The following MEGF11 variants were observed in gnomAD, a reference collection of about 807,000 sequenced individuals.
MEGF11 encodes multiple EGF like domains 11.
In MEGF11, 126 loss-of-function variants were observed where a neutral mutation model predicts 146.6. The observed-to-expected ratio is 0.86, with a 90% CI of 0.74 to 1.00. The LOEUF (loss-of-function observed/expected upper bound fraction) is 1.00, where lower values mean the gene tolerates loss of function less well. MEGF11 is among the 50% of genes least tolerant of loss of function. The pLI is 0.00. For missense variants in MEGF11, 1,509 were observed against 1,521.2 expected, an observed-to-expected ratio of 0.99 and a Z score of 0.13; for synonymous variants, 532 against 583.4, an observed-to-expected ratio of 0.91 and a Z score of 1.27.
chr15:66,234,603 A>T (rs1336247938), intron 1 of MEGF11, among the ~76,000 whole-genome samples: 1 of 152,140 alleles, frequency 6.6e-6, no homozygotes, highest in African/African-American at 2.4e-5. Context: ...CCCACCACCC[A>T]ACCCTGAATA....
At chr15:66,056,266 G>T (rs963238772) in intron 5 of MEGF11, among the ~76,000 whole-genome samples, 1 of 151,660 alleles carries the variant, frequency 6.6e-6, no homozygotes, top group Non-Finnish European at 1.5e-5. Context: ...AAGAGGGAGG[G>T]GCTGTAGAGG....
intron 1 of MEGF11, among the ~76,000 whole-genome samples, chr15:66,233,951 C>CTTTTTTTTTTTTTTTTTTT (rs57240560): frequency 2.5e-5 from 3 of 119,900 alleles, no homozygotes; most frequent in Admixed American, 9.3e-5. Context: ...TTTTCTTTTT[C>CTTTTTTTTTTTTTTTTTTT]TTTTTTTTTT....
Position 66,137,037 on chromosome 15 carries a change from G to A in MEGF11, c.-8-8626C>T, listed in dbSNP as rs145034323. ...CAGACTCTGTCTCCAAAAAAAAAGA[G>A]AGAAAGAGAGATGCTTGCCACAGCA... On this transcript the variant is annotated intron_variant, in intron 1 of 25. Coordinates refer to ENST00000395614, the MANE Select transcript of MEGF11 (RefSeq NM_001385028.1). Among the ~76,000 whole-genome samples, 847 of 152,260 alleles carry A rather than the reference G, an allele frequency of 5.6e-3. 10 individuals carry two copies. The highest frequency in any genetic ancestry group is 0.019 in the African/African-American group (804 of 41,558).
At chr15:66,173,672 G>A (rs1185482819) in intron 1 of MEGF11, among the ~76,000 whole-genome samples, 1 of 152,058 alleles carries the variant, frequency 6.6e-6, no homozygotes, top group Admixed American at 6.6e-5. Context: ...CTATAGCTGT[G>A]AACTGCCTCC....
intron 1 of MEGF11, among the ~76,000 whole-genome samples, chr15:66,134,612 C>T (rs566032514): frequency 3.3e-5 from 5 of 152,356 alleles, no homozygotes; most frequent in African/African-American, 1.2e-4. Flanking sequence ...GACAAGTCAG[C>T]CTCCCAGGGC....
intron 9 of MEGF11, among the ~76,000 whole-genome samples, chr15:65,959,607 ACT>A (rs1239657121): frequency 2.0e-5 from 3 of 152,248 alleles, no homozygotes; most frequent in African/African-American, 7.2e-5. Flanking sequence ...CATTTCTAAG[ACT>A]CTATCCTAAG....
intron 5 of MEGF11, among the ~76,000 whole-genome samples, chr15:65,988,499 G>C (rs1464019118): frequency 6.6e-6 from 1 of 152,110 alleles, no homozygotes; most frequent in African/African-American, 2.4e-5. Context: ...ACTACATTTT[G>C]TTTATCCATT....
intron 1 of MEGF11, among the ~76,000 whole-genome samples, chr15:66,160,327 C>T (rs935906735): frequency 1.3e-5 from 2 of 150,704 alleles, no homozygotes. Flanking sequence ...GGTGCAGCAG[C>T]CACCTTGTGA....
intron 1 of MEGF11, among the ~76,000 whole-genome samples, chr15:66,218,347 C>T (rs965237660): frequency 2.6e-5 from 4 of 152,200 alleles, no homozygotes; most frequent in South Asian, 2.1e-4. Context: ...CCAACACACC[C>T]GCATGCCAGG....
At chr15:65,928,005 C>T (rs1024349417) in intron 13 of MEGF11, among the ~76,000 whole-genome samples, 1 of 152,154 alleles carries the variant, frequency 6.6e-6, no homozygotes, top group African/African-American at 2.4e-5. Context: ...GGATGGTACC[C>T]AGCAGACCGT....
intron 1 of MEGF11, among the ~76,000 whole-genome samples, chr15:66,205,823 T>C (rs1246301874): frequency 6.6e-6 from 1 of 152,180 alleles, no homozygotes; most frequent in Non-Finnish European, 1.5e-5. Flanking sequence ...TCAGACAAAG[T>C]CAATTGACAC....
chr15:66,100,080 G>C (rs58682891), intron 4 of MEGF11, among the ~76,000 whole-genome samples: 63 of 152,002 alleles, frequency 4.1e-4, no homozygotes, highest in African/African-American at 7.7e-4. Context: ...TTGCGCTTTG[G>C]GGGGGAAATG....
intron 1 of MEGF11, among the ~76,000 whole-genome samples, chr15:66,162,020 T>C (rs557299373): frequency 1.3e-5 from 2 of 152,320 alleles, no homozygotes; most frequent in Non-Finnish European, 2.9e-5. Flanking sequence ...ATCTAATATT[T>C]TCTATTTTTC....
At chr15:65,955,817 AC>A (rs1567175222) in intron 10 of MEGF11, among the ~76,000 whole-genome samples, 6 of 2,706 alleles carry the variant, frequency 2.2e-3, no homozygotes, top group Non-Finnish European at 6.0e-3. Context: ...CACACACAAT[AC>A]TTTAAATATA....
At position 66,217,443 on chromosome 15, in the gene MEGF11, A is replaced by T. The variant is rs368938832; in HGVS notation, c.-9+36162T>A. On this transcript the variant is annotated intron_variant, in intron 1 of 25. Transcript: ENST00000395614. ...GACAGCTATGCAGCTGAGGCTTGTGATAAGAACTGACTACCCACTCCTCCC... is the reference window on the plus strand; with the variant it reads ...GACAGCTATGCAGCTGAGGCTTGTGTTAAGAACTGACTACCCACTCCTCCC... 2.0e-5 allele frequency among the ~76,000 whole-genome samples: 3 copies of T among 152,366 alleles called. No homozygotes were observed. In the South Asian group the frequency reaches 6.2e-4, roughly 32 times the overall value.
At chr15:66,188,123 C>T (rs74019511) in intron 1 of MEGF11, among the ~76,000 whole-genome samples, 17,032 of 151,814 alleles carry the variant, frequency 0.11, 1,563 homozygotes, top group African/African-American at 0.25. Flanking sequence ...TAGTAACACC[C>T]CCCCATGCCC....
chr15:65,956,289 G>A (rs959833782), intron 10 of MEGF11, among the ~76,000 whole-genome samples: 3 of 152,202 alleles, frequency 2.0e-5, no homozygotes, highest in Non-Finnish European at 2.9e-5. Flanking sequence ...TGTTAGAAAT[G>A]CAGAACCTCA....
In MEGF11 at chr15:66,244,197, G is replaced by T. The variant is rs530367840; in HGVS notation, c.-9+9408C>A. On this transcript the variant is annotated intron_variant, in intron 1 of 25. Transcript: ENST00000395614. ...TATGGTCTCACACCTCATCTCTCCCGCAGTAAACATCGCCCACTCCTCCCA... is the reference window on the plus strand; with the variant it reads ...TATGGTCTCACACCTCATCTCTCCCTCAGTAAACATCGCCCACTCCTCCCA... Among the ~76,000 whole-genome samples, 20 of 152,148 alleles carry T rather than the reference G, an allele frequency of 1.3e-4. No individual in the cohort carries two copies. In the South Asian group the frequency reaches 3.3e-3, roughly 25 times the overall value.
intron 1 of MEGF11, among the ~76,000 whole-genome samples, chr15:66,192,403 G>T (rs2141195763): frequency 6.6e-6 from 1 of 151,844 alleles, no homozygotes; most frequent in South Asian, 2.1e-4. Flanking sequence ...TGAGGAGATG[G>T]AGGTTGCAGT....
Sources: allele counts gnomAD v4.1 joint callset (sites outside exome capture counted in the v4.1 genomes callset), GRCh38; gene constraint gnomAD v4.1.1; transcripts MANE v1.5; gene names NCBI Gene and HGNC (gene_info 2026-07-23, HGNC 2026-07-21).